Variants in HOTAIR observed in about 807,000 individuals in gnomAD.
HOTAIR encodes HOX transcript antisense RNA, also known as HOX transcript antisense RNA (non-protein coding).
chr12:53,964,167 C>A (rs1183037850), intron 6 of HOTAIR: 3 of 152,010 alleles, frequency 2.0e-5, no homozygotes, highest in Admixed American at 2.0e-4. Context: ...TATCTCTTGC[C>A]AGAGTGAACA....
At chr12:53,966,211 C>G (rs1939050118) in intron 4 of HOTAIR, 1 of 152,026 alleles carries the variant, frequency 6.6e-6, no homozygotes, top group Non-Finnish European at 1.5e-5. Flanking sequence ...GGGACCCTTC[C>G]CTCCCTCCTT....
At chr12:53,964,572 C>A (rs1286050116) in intron 5 of HOTAIR, among the ~76,000 whole-genome samples, 1 of 152,210 alleles carries the variant, frequency 6.6e-6, no homozygotes, top group African/African-American at 2.4e-5. Context: ...GCACTTCCTG[C>A]TGAAATCCTG....
exon 3 of HOTAIR, chr12:53,967,313 C>T (rs1939072858): frequency 6.6e-6 from 1 of 152,124 alleles, no homozygotes; most frequent in Middle Eastern, 3.1e-3. Context: ...ACCTGAGGGT[C>T]TAAGTCCCGG....
chr12:53,965,298 C>T (rs1273320493), intron 5 of HOTAIR, among the ~76,000 whole-genome samples: 1 of 152,238 alleles, frequency 6.6e-6, no homozygotes, highest in Admixed American at 6.5e-5. Context: ...CATGCCCCCC[C>T]AGCCTGAGGC....
Position 53,973,200 on chromosome 12 carries a change from G to A in HOTAIR, n.59+1698C>T. On this transcript the variant is annotated intron_variant and non_coding_transcript_variant, in intron 1 of 6. Transcript: ENST00000424518. The surrounding 1 kb of genome is among the most constrained non-coding windows in gnomAD (Gnocchi z 4.3). ...CCAAATTTTCCCCCCTCGCTAGACC[G>A]GGTCCAAAACCTCCATCCGGAGCCG... 1 of 1,496,180 alleles carries A rather than the reference G, an allele frequency of 6.7e-7. No individual in the cohort carries two copies. Among genetic ancestry groups the A allele is most frequent in the Non-Finnish European group, 8.9e-7 (1 of 1,121,216 alleles). The allele number at this position is 1,496,180 out of a possible 1,614,324, so 92.7% of individuals were successfully genotyped here.
chr12:53,966,736 AAATATATT>A (rs1471426674), intron 3 of HOTAIR: 1 of 152,312 alleles, frequency 6.6e-6, no homozygotes, highest in Non-Finnish European at 1.5e-5. Flanking sequence ...GCGGAGAAAC[AAATATATT>A]GGATATTTGC....
At chr12:53,965,973 A>C (rs1480111840) in exon 5 of HOTAIR, 1 of 152,198 alleles carries the variant, frequency 6.6e-6, no homozygotes, top group Non-Finnish European at 1.5e-5. Flanking sequence ...CCTTATAAGG[A>C]AGGCGCCGGT....
intron 1 of HOTAIR, among the ~76,000 whole-genome samples, chr12:53,969,078 G>A (rs1055093478): frequency 6.6e-6 from 1 of 152,334 alleles, no homozygotes; most frequent in South Asian, 2.1e-4. Flanking sequence ...CGGCCAACCC[G>A]CCTCTGCTCT....
At chr12:53,970,981 G>A (rs1939138166) in intron 1 of HOTAIR, among the ~76,000 whole-genome samples, 1 of 152,152 alleles carries the variant, frequency 6.6e-6, no homozygotes, top group Non-Finnish European at 1.5e-5. Flanking sequence ...AAGGATAGGG[G>A]TACCTCTCGC....
At position 53,973,898 on chromosome 12, in the gene HOTAIR, G is replaced by A. The variant is rs1162617576; in HGVS notation, n.59+1000C>T. 24 of 1,447,456 alleles carry A rather than the reference G, an allele frequency of 1.7e-5. No homozygotes were observed. The South Asian group carries it at 2.8e-4, about 17-fold the overall frequency. 89.7% of individuals were successfully genotyped at this position (1,447,456 alleles called of 1,614,324 possible). On this transcript the variant is annotated intron_variant and non_coding_transcript_variant, in intron 1 of 6. Transcript: ENST00000424518. This position sits in a 1 kb window ranked among gnomAD's most constrained non-coding sequence, Gnocchi z 4.3. ...CCGGTTCAGCCCACTCCGTGGCCAA[G>A]GAGCCGGCCAAAGGAGCCGCCCCCA...
chr12:53,974,034 A>C (rs544712847), intron 1 of HOTAIR: 1 of 866,104 alleles, frequency 1.2e-6, no homozygotes, highest in Non-Finnish European at 1.7e-6. Flanking sequence ...GTTTTGGGTC[A>C]GTCCGATTTT....
intron 1 of HOTAIR, among the ~76,000 whole-genome samples, chr12:53,972,510 T>G (rs1278082619): frequency 1.3e-5 from 2 of 152,244 alleles, no homozygotes; most frequent in African/African-American, 4.8e-5. Flanking sequence ...GTTGGGACAC[T>G]GGCTTGCAGC....
chr12:53,972,182 C>A, intron 1 of HOTAIR, among the ~76,000 whole-genome samples: 1 of 152,344 alleles, frequency 6.6e-6, no homozygotes, highest in South Asian at 2.1e-4. Flanking sequence ...TTCTTTTCAG[C>A]GCACTAGCTG....
chr12:53,967,516 G>A (rs1299540225), intron 2 of HOTAIR: 1 of 152,258 alleles, frequency 6.6e-6, no homozygotes, highest in Admixed American at 6.5e-5. Context: ...CTCTGCCATA[G>A]ACGTTTAATC....
exon 7 of HOTAIR, chr12:53,963,892 TG>T (rs1323683620): frequency 6.6e-6 from 1 of 152,260 alleles, no homozygotes; most frequent in Non-Finnish European, 1.5e-5. Context: ...CTTTTCCTCA[TG>T]GAACACCAAA....
intron 1 of HOTAIR, among the ~76,000 whole-genome samples, chr12:53,971,545 T>C (rs773138190): frequency 6.6e-5 from 10 of 152,258 alleles, no homozygotes; most frequent in Non-Finnish European, 1.5e-4. Context: ...TCCATTCTAA[T>C]TTCTTTAAGT....
At position 53,972,180 on chromosome 12, in the gene HOTAIR, A is replaced by G. The variant is rs112272941; in HGVS notation, n.59+2718T>C. Among the ~76,000 whole-genome samples the G allele has an allele frequency of 1.7e-3, 264 of 152,330 alleles. 1 individual carries two copies. Among genetic ancestry groups the G allele is most frequent in the Non-Finnish European group, 2.6e-3 (177 of 68,026 alleles). ...GGACCCCTACACTAGGCTTCTTTTCAGCGCACTAGCTGAGGCTGAGCCACT... is the reference window on the plus strand; with the variant it reads ...GGACCCCTACACTAGGCTTCTTTTCGGCGCACTAGCTGAGGCTGAGCCACT... On this transcript the variant is annotated intron_variant and non_coding_transcript_variant, in intron 1 of 6. Coordinates refer to ENST00000424518, the Ensembl canonical transcript of HOTAIR.
At chr12:53,967,801 G>A (rs1461908236) in intron 2 of HOTAIR, among the ~76,000 whole-genome samples, 1 of 152,152 alleles carries the variant, frequency 6.6e-6, no homozygotes, top group African/African-American at 2.4e-5. Context: ...ACAAAAATGT[G>A]CTTCATGTCT....
intron 1 of HOTAIR, among the ~76,000 whole-genome samples, chr12:53,974,394 G>A (rs1939210815): frequency 6.6e-6 from 1 of 151,988 alleles, no homozygotes; most frequent in Non-Finnish European, 1.5e-5. Context: ...GTGGGGGAGA[G>A]GAGCAATGGA....
Sources: allele counts gnomAD v4.1 joint callset (sites outside exome capture counted in the v4.1 genomes callset), GRCh38; gene constraint gnomAD v4.1.1; non-coding constraint Gnocchi (gnomAD v3.1); transcripts MANE v1.5; gene names NCBI Gene and HGNC (gene_info 2026-07-23, HGNC 2026-07-21).